The following CCDC12 variants were observed in gnomAD, a reference collection of about 807,000 sequenced individuals.
The protein encoded by CCDC12 is coiled-coil domain containing 12, also known as coiled-coil domain-containing protein 12.
CCDC12 carries 28 observed loss-of-function variants against 25.7 expected under a neutral mutation model. The ratio of observed to expected loss-of-function variants is 1.09; its 90% CI spans 0.81 to 1.50. CCDC12 has a LOEUF of 1.50. Ranked by LOEUF, CCDC12 falls within the 40% of genes most tolerant of loss-of-function variation. The pLI is 0.00. For missense variants in CCDC12, 198 were observed against 210.0 expected (o/e 0.94, Z 0.35); for synonymous variants, 75 against 87.7 (o/e 0.86, Z 0.81).
At position 46,923,371 on chromosome 3, in the gene CCDC12, G is replaced by A. The variant is rs540505918; in HGVS notation, c.307-8C>T. On this transcript the variant is annotated splice_polypyrimidine_tract_variant and splice_region_variant and intron_variant, in intron 4 of 6. Transcript: ENST00000683445. The stretch of plus-strand genomic sequence containing the variant: ...AGCGAGGTTGGCCAGGTCCTGGGAA[G>A]GGAGGAGACACACATCAGGGTGGAG... 5.7e-5 allele frequency: 85 copies of A among 1,493,758 alleles called. 1 individual carries two copies. In the South Asian group the frequency reaches 1.1e-3, roughly 19 times the overall value. 92.5% of individuals were successfully genotyped at this position (1,493,758 alleles called of 1,614,324 possible).
intron 3 of CCDC12, chr3:46,924,034 C>T (rs543777579): frequency 5.1e-6 from 1 of 196,032 alleles, no homozygotes; most frequent in Admixed American, 6.0e-5. Flanking sequence ...AGGATGTCCT[C>T]TGGGTCCCGG....
chr3:46,950,416 A>C (rs988314034), intron 1 of CCDC12, among the ~76,000 whole-genome samples: 77 of 152,140 alleles, frequency 5.1e-4, no homozygotes, highest in Non-Finnish European at 2.6e-4. Context: ...GGCTCAAGTA[A>C]ACCTCCCACC....
upstream of CCDC12, chr3:46,976,915 C>T (rs2035016224): frequency 2.0e-6 from 2 of 1,018,776 alleles, no homozygotes; most frequent in Admixed American, 3.3e-5. Flanking sequence ...CCCGCCCCGC[C>T]CTTATTCTTC....
intron 1 of CCDC12, among the ~76,000 whole-genome samples, chr3:46,970,491 G>A (rs1479005776): frequency 6.6e-6 from 1 of 152,174 alleles, no homozygotes. Context: ...AGACAGTGCA[G>A]ATTAAAGAAC....
intron 1 of CCDC12, among the ~76,000 whole-genome samples, chr3:46,961,928 G>T (rs2107180973): frequency 6.6e-6 from 1 of 152,250 alleles, no homozygotes; most frequent in East Asian, 1.9e-4. Context: ...GGGAGAAAAA[G>T]AATCTTGATC....
At chr3:46,981,803 A>C (rs1016516724) in intron 1 of CCDC12, 1 of 152,304 alleles carries the variant, frequency 6.6e-6, no homozygotes, top group Non-Finnish European at 1.5e-5. Context: ...CTCCCAGGAC[A>C]GTAACTCCAG....
intron 1 of CCDC12, among the ~76,000 whole-genome samples, chr3:46,953,171 CAG>C (rs1463226393): frequency 6.6e-6 from 1 of 152,036 alleles, no homozygotes; most frequent in African/African-American, 2.4e-5. Flanking sequence ...GCAATGCATG[CAG>C]AGGTGTTTAG....
At chr3:46,956,716 G>C (rs372739587) in intron 1 of CCDC12, among the ~76,000 whole-genome samples, 1 of 151,202 alleles carries the variant, frequency 6.6e-6, no homozygotes, top group Admixed American at 6.6e-5. Context: ...AGCTACTTGG[G>C]GGGCTGAGGT....
upstream of CCDC12, among the ~76,000 whole-genome samples, chr3:46,981,299 G>C (rs533722724): frequency 6.6e-6 from 1 of 152,198 alleles, no homozygotes; most frequent in East Asian, 1.9e-4. Context: ...AAAATTAGCC[G>C]GGCGTGGTGG....
At chr3:46,949,664 A>G (rs978927629) in intron 1 of CCDC12, among the ~76,000 whole-genome samples, 8 of 152,256 alleles carry the variant, frequency 5.3e-5, no homozygotes, top group Admixed American at 4.6e-4. Context: ...TAACAGGGGC[A>G]TGTGAGGATT....
intron 2 of CCDC12, among the ~76,000 whole-genome samples, chr3:46,929,860 A>G (rs2033133583): frequency 6.6e-6 from 1 of 151,618 alleles, no homozygotes. Context: ...GTGAAACCCC[A>G]TCTCTACTAA....
intron 1 of CCDC12, chr3:46,976,200 G>A: frequency 1.8e-6 from 1 of 551,964 alleles, no homozygotes; most frequent in Non-Finnish European, 2.4e-6. Context: ...GCTGTCACTT[G>A]CTGCCCTGTC....
At chr3:46,973,296 T>C (rs1169460847) in intron 1 of CCDC12, among the ~76,000 whole-genome samples, 1 of 145,274 alleles carries the variant, frequency 6.9e-6, no homozygotes, top group African/African-American at 2.6e-5. Flanking sequence ...GAAGTTGCAG[T>C]GAGCTGAGAT....
chr3:46,941,106 T>C, intron 1 of CCDC12, 41 bp from the exon 2 acceptor site: 2 of 1,598,438 alleles, frequency 1.3e-6, no homozygotes, highest in South Asian at 2.2e-5. Context: ...AGTTGAAAGC[T>C]CCTACTTCCA....
chr3:46,925,121 G>A (rs547578906), intron 3 of CCDC12: 14 of 460,150 alleles, frequency 3.0e-5, no homozygotes, highest in South Asian at 2.3e-4. Flanking sequence ...CTGCCCTGCT[G>A]CCCAAGGGCC....
rs116280897 is a variant in CCDC12, at chr3:46,971,137, C to A, written c.96+5500G>T. Among the ~76,000 whole-genome samples the A allele has an allele frequency of 5.2e-3, 786 of 152,368 alleles. 6 individuals carry two copies. Among genetic ancestry groups the A allele is most frequent in the African/African-American group, 0.018 (743 of 41,580 alleles). Reference sequence around the variant, plus strand: ...CTCTAAAATGCTCCCTGGGAACACTCTCCTTTCCAGCTACCTCGATGACCT... The same window carrying A: ...CTCTAAAATGCTCCCTGGGAACACTATCCTTTCCAGCTACCTCGATGACCT... On this transcript the variant is annotated intron_variant, in intron 1 of 6. Transcript: ENST00000683445.
At chr3:46,926,219 CAGG>C (rs2032951842) in intron 2 of CCDC12, among the ~76,000 whole-genome samples, 1 of 152,190 alleles carries the variant, frequency 6.6e-6, no homozygotes, top group Non-Finnish European at 1.5e-5. Context: ...GGAGACACTC[CAGG>C]AGGAGGTGGC....
chr3:46,950,800 T>C (rs1310573095), intron 1 of CCDC12, among the ~76,000 whole-genome samples: 1 of 152,018 alleles, frequency 6.6e-6, no homozygotes, highest in East Asian at 1.9e-4. Context: ...ATACACACAA[T>C]GAAATACTAT....
At chr3:46,953,046 A>G (rs771496504) in intron 1 of CCDC12, among the ~76,000 whole-genome samples, 2 of 152,184 alleles carry the variant, frequency 1.3e-5, no homozygotes, top group Middle Eastern at 3.2e-3. Flanking sequence ...GAGAGTTGAC[A>G]GCTCTTTCTG....
Sources: allele counts gnomAD v4.1 joint callset (sites outside exome capture counted in the v4.1 genomes callset), GRCh38; gene constraint gnomAD v4.1.1; transcripts MANE v1.5; gene names NCBI Gene and HGNC (gene_info 2026-07-23, HGNC 2026-07-21).